NTM: variants seen among roughly 807,000 people sequenced by gnomAD.
NTM encodes the protein IgLON family member 2.
Under a neutral mutation model 42.1 loss-of-function variants are expected in NTM, and 13 were observed. The ratio of observed to expected loss-of-function variants is 0.31; its 90% CI spans 0.20 to 0.49. The LOEUF is 0.49. Ranked by LOEUF, NTM falls within the 20% of genes least tolerant of loss-of-function variation. The probability of loss-of-function intolerance (pLI) is 0.99; values close to 1 mark genes in which losing one functional copy is unlikely to be tolerated. For synonymous variants in NTM, 187 were observed against 179.2 expected, an observed-to-expected ratio of 1.04 and a Z score of -0.35; for missense variants, 373 against 452.8, an observed-to-expected ratio of 0.82 and a Z score of 1.60.
At chr11:131,946,171 C>G (rs2060325216) in intron 2 of NTM, among the ~76,000 whole-genome samples, 2 of 152,098 alleles carry the variant, frequency 1.3e-5, no homozygotes. Context: ...CTGGGTCATG[C>G]AGGCAGTGGG....
intron 4 of NTM, among the ~76,000 whole-genome samples, chr11:132,293,968 G>C (rs1250172086): frequency 2.6e-5 from 4 of 152,072 alleles, no homozygotes; most frequent in Non-Finnish European, 5.9e-5. Context: ...TACAGAATTG[G>C]TTATGGAAGT....
chr11:131,766,446 C>T (rs552775043), intron 1 of NTM, among the ~76,000 whole-genome samples: 4 of 152,108 alleles, frequency 2.6e-5, no homozygotes, highest in East Asian at 1.9e-4. Context: ...CACCGAGGAG[C>T]GAGGGAGAGC....
chr11:132,050,777 G>T (rs968005426), intron 2 of NTM, among the ~76,000 whole-genome samples: 5 of 152,232 alleles, frequency 3.3e-5, no homozygotes, highest in Non-Finnish European at 2.9e-5. Flanking sequence ...GGGCCAGTGT[G>T]TCGAGAGCAG....
chr11:132,225,096 C>T (rs1254533551), intron 4 of NTM, among the ~76,000 whole-genome samples: 2 of 152,252 alleles, frequency 1.3e-5, no homozygotes, highest in Admixed American at 1.3e-4. Flanking sequence ...TGATAGAATA[C>T]AGCAGATATA....
At chr11:131,720,404 T>G (rs789552) in intron 1 of NTM, among the ~76,000 whole-genome samples, 19,932 of 152,170 alleles carry the variant, frequency 0.13, 1,672 homozygotes, top group South Asian at 0.22. Flanking sequence ...GAGGTTGCCC[T>G]GGAAAACAGA....
intron 1 of NTM, among the ~76,000 whole-genome samples, chr11:131,459,702 C>T (rs1951205507): frequency 6.6e-6 from 1 of 152,100 alleles, no homozygotes; most frequent in Non-Finnish European, 1.5e-5. Flanking sequence ...GAATTTGTAC[C>T]TAGTTGAATG....
chr11:131,428,914 G>A (rs567080933), intron 1 of NTM, among the ~76,000 whole-genome samples: 20 of 149,470 alleles, frequency 1.3e-4, no homozygotes, highest in African/African-American at 4.9e-4. Flanking sequence ...AATTAGCCAG[G>A]CCTGGTGGTG....
rs146386977 is a variant in NTM, at chr11:131,860,041, A to C, written c.83-51523A>C. 8.0e-3 allele frequency among the ~76,000 whole-genome samples: 1,211 copies of C among 152,314 alleles called. 10 individuals are homozygous for C. The highest frequency in any genetic ancestry group is 0.011 in the Non-Finnish European group (749 of 68,032). ...ATATCTATTAGAGTCTGCTGAGTGC[A>C]GAGAGCTTAGTCACTCCTGGGGGAT... On this transcript the variant is annotated intron_variant, in intron 1 of 8. Transcript: ENST00000683400.
intron 7 of NTM, among the ~76,000 whole-genome samples, chr11:132,325,552 C>G (rs1381873621): frequency 2.0e-5 from 3 of 151,888 alleles, no homozygotes; most frequent in Non-Finnish European, 4.4e-5. Context: ...AATAGGAACA[C>G]TTTTACACTG....
intron 1 of NTM, among the ~76,000 whole-genome samples, chr11:131,584,743 C>A (rs567632901): frequency 1.3e-5 from 2 of 152,202 alleles, no homozygotes; most frequent in Non-Finnish European, 2.9e-5. Flanking sequence ...CTGGACGGAG[C>A]CATTTCACTC....
At chr11:131,641,438 T>A (rs773083284) in intron 1 of NTM, among the ~76,000 whole-genome samples, 15 of 152,132 alleles carry the variant, frequency 9.9e-5, no homozygotes, top group Non-Finnish European at 2.1e-4. Flanking sequence ...TTGCAGCAGA[T>A]CTTAGGTGGT....
At chr11:131,396,765 C>T (rs959909179) in intron 1 of NTM, among the ~76,000 whole-genome samples, 9 of 151,506 alleles carry the variant, frequency 5.9e-5, no homozygotes, top group East Asian at 1.9e-4. Context: ...ACACGGGGGA[C>T]GGAAGTTGCA....
At chr11:131,498,116 C>T (rs563477841) in intron 1 of NTM, among the ~76,000 whole-genome samples, 195 of 116,872 alleles carry the variant, frequency 1.7e-3, no homozygotes, top group Admixed American at 2.3e-3. Context: ...AAGTAAATTG[C>T]CTTGCTGATA....
intron 1 of NTM, among the ~76,000 whole-genome samples, chr11:131,905,695 G>A (rs568451178): frequency 9.8e-4 from 148 of 151,544 alleles, no homozygotes; most frequent in Non-Finnish European, 1.6e-3. Flanking sequence ...TTTGTTAAAT[G>A]TCTGTCTCCC....
intron 1 of NTM, among the ~76,000 whole-genome samples, chr11:131,678,491 G>A (rs933389026): frequency 6.6e-6 from 1 of 152,234 alleles, no homozygotes; most frequent in African/African-American, 2.4e-5. Flanking sequence ...CAGAGAAAGA[G>A]GAGCATTTGA....
intron 2 of NTM, among the ~76,000 whole-genome samples, chr11:131,934,737 G>A (rs751657846): frequency 6.6e-6 from 1 of 152,182 alleles, no homozygotes; most frequent in Non-Finnish European, 1.5e-5. Context: ...GCCCAGCAAG[G>A]ATCTGAGAGC....
intron 2 of NTM, among the ~76,000 whole-genome samples, chr11:132,012,248 G>A (rs1270308099): frequency 1.3e-5 from 2 of 152,140 alleles, no homozygotes; most frequent in Non-Finnish European, 2.9e-5. Context: ...AAATTGTGTG[G>A]TTCAGACTAA....
At chr11:131,552,040 C>T (rs1174883499) in intron 1 of NTM, among the ~76,000 whole-genome samples, 2 of 152,014 alleles carry the variant, frequency 1.3e-5, no homozygotes, top group African/African-American at 4.8e-5. Flanking sequence ...AAAGAGGACC[C>T]AAAAGGCCAA....
chr11:131,786,078 G>C (rs910071124), intron 1 of NTM, among the ~76,000 whole-genome samples: 1 of 152,178 alleles, frequency 6.6e-6, no homozygotes, highest in African/African-American at 2.4e-5. Flanking sequence ...CTTTCAGGGA[G>C]AGCCAGCATT....
Sources: gnomAD v4.1 joint callset for allele counts (sites outside exome capture counted in the v4.1 genomes callset) on GRCh38, gnomAD v4.1.1 for gene constraint, MANE v1.5 for transcripts, NCBI Gene and HGNC (gene_info 2026-07-23, HGNC 2026-07-21) for gene names.